PDE3B: variants seen among roughly 807,000 people sequenced by gnomAD.
PDE3B encodes cGMP-inhibited 3',5'-cyclic phosphodiesterase 3B.
A neutral mutation model predicts 116.8 loss-of-function variants in PDE3B; 66 were observed. That is an observed-to-expected ratio of 0.56 (90% CI 0.46 to 0.69). The LOEUF (loss-of-function observed/expected upper bound fraction) is 0.69, where lower values mean the gene tolerates loss of function less well. Among genes scored for constraint, PDE3B ranks in the 30% least tolerant of loss-of-function variants. The probability of loss-of-function intolerance (pLI) is 0.00; values close to 1 mark genes in which losing one functional copy is unlikely to be tolerated. For synonymous variants in PDE3B, 595 were observed against 533.6 expected (o/e 1.12, Z -1.59); for missense variants, 1,384 against 1,368.1 (o/e 1.01, Z -0.18).
intron 5 of PDE3B, among the ~76,000 whole-genome samples, chr11:14,812,749 C>G (rs943482598): frequency 5.3e-5 from 8 of 152,106 alleles, no homozygotes; most frequent in Non-Finnish European, 1.0e-4. Flanking sequence ...CTATATTTAA[C>G]GAAAATGTTG....
intron 1 of PDE3B, among the ~76,000 whole-genome samples, chr11:14,706,660 G>A (rs937299107): frequency 6.6e-6 from 1 of 151,810 alleles, no homozygotes; most frequent in Admixed American, 6.6e-5. Flanking sequence ...ACGGTGATAT[G>A]CCACTTTCAA....
chr11:14,845,990 G>A (rs925170639), intron 12 of PDE3B, among the ~76,000 whole-genome samples: 9 of 152,028 alleles, frequency 5.9e-5, no homozygotes, highest in Admixed American at 2.6e-4. Context: ...TACAGAGAAC[G>A]CCACAAAGAT....
At chr11:14,648,433 T>C (rs574596182) in intron 1 of PDE3B, among the ~76,000 whole-genome samples, 1 of 152,246 alleles carries the variant, frequency 6.6e-6, no homozygotes, top group Non-Finnish European at 1.5e-5. Flanking sequence ...ACCTAAGGAA[T>C]TTGCAAGGCA....
Position 14,833,013 on chromosome 11 carries a change from C to T in PDE3B, c.2206+180C>T, listed in dbSNP as rs184853859. On this transcript the variant is annotated intron_variant, in intron 10 of 15. Transcript: ENST00000282096. ...TCGTCCAGGCTGGAGTGCAATGGCGCGATCTTGGCCCACTGCAACCTCCGC... is the reference window on the plus strand; with the variant it reads ...TCGTCCAGGCTGGAGTGCAATGGCGTGATCTTGGCCCACTGCAACCTCCGC... Among the ~76,000 whole-genome samples the T allele has an allele frequency of 2.6e-5, 4 of 151,680 alleles. No individual in the cohort carries two copies. The East Asian group carries it at 7.8e-4, about 29-fold the overall frequency.
At chr11:14,704,512 T>A (rs1480181696) in intron 1 of PDE3B, among the ~76,000 whole-genome samples, 2 of 151,906 alleles carry the variant, frequency 1.3e-5, no homozygotes, top group East Asian at 3.9e-4. Context: ...AAGTACATCA[T>A]TGGATTTATA....
chr11:14,731,634 A>G (rs896503902), intron 1 of PDE3B, among the ~76,000 whole-genome samples: 11 of 152,292 alleles, frequency 7.2e-5, no homozygotes, highest in Middle Eastern at 3.4e-3. Context: ...GAAATTAGGA[A>G]TATAGATTAA....
chr11:14,807,872 C>A (rs1046947651), intron 5 of PDE3B, among the ~76,000 whole-genome samples: 4 of 151,886 alleles, frequency 2.6e-5, no homozygotes. Context: ...CATGGTGAAA[C>A]CCCATCTCTA....
At chr11:14,706,680 AAAG>A (rs1855544257) in intron 1 of PDE3B, among the ~76,000 whole-genome samples, 1 of 151,978 alleles carries the variant, frequency 6.6e-6, no homozygotes, top group African/African-American at 2.4e-5. Flanking sequence ...AAGAAACAAA[AAAG>A]ATGTGCATTA....
intron 1 of PDE3B, chr11:14,673,841 C>G (rs556458705): frequency 8.3e-7 from 1 of 1,208,520 alleles, no homozygotes; most frequent in South Asian, 1.2e-5. Flanking sequence ...ACTGTGGTCT[C>G]TCAAATTTGT....
intron 1 of PDE3B, among the ~76,000 whole-genome samples, chr11:14,702,176 T>G (rs1274048517): frequency 6.6e-6 from 1 of 151,786 alleles, no homozygotes; most frequent in African/African-American, 2.4e-5. Context: ...GTCTACTGAA[T>G]TATAAAAATT....
At chr11:14,686,123 C>T (rs905642431) in intron 1 of PDE3B, among the ~76,000 whole-genome samples, 2 of 152,226 alleles carry the variant, frequency 1.3e-5, no homozygotes, top group Non-Finnish European at 2.9e-5. Flanking sequence ...CTAACTTCTT[C>T]AACCAGTCTT....
intron 5 of PDE3B, among the ~76,000 whole-genome samples, chr11:14,809,209 T>C (rs566289860): frequency 1.3e-5 from 2 of 152,224 alleles, no homozygotes; most frequent in Non-Finnish European, 2.9e-5. Flanking sequence ...GAAGTTACCA[T>C]ATGACCCAGA....
intron 5 of PDE3B, among the ~76,000 whole-genome samples, chr11:14,811,328 C>G (rs1025392079): frequency 3.9e-5 from 6 of 152,148 alleles, no homozygotes; most frequent in African/African-American, 1.4e-4. Flanking sequence ...TTTAATCCAT[C>G]TTGAATTGAT....
chr11:14,818,255 G>A lies in PDE3B; in HGVS notation c.1595G>A (p.Arg532Gln), dbSNP rs761085973. The change falls in exon 6 of 16, where the codon CGA (arginine) becomes CAA (glutamine). Residue 532 changes from arginine to glutamine, a missense_variant. Arg to Gln is a conservative substitution (Grantham distance 43). Transcript: ENST00000282096. Reference protein sequence around the residue: ...GPVSTGSLTNRSPIEFPDTAD... With the variant: ...GPVSTGSLTNQSPIEFPDTAD... ...GTGTCTACTGGCTCTCTAACTAATC[G>A]ATCACCCATAGAATTTCCTGATACT... is the stretch of plus-strand genomic sequence containing the variant. The A allele has an allele frequency of 1.8e-5, 29 of 1,613,204 alleles. No individual in the cohort carries two copies. Among genetic ancestry groups the A allele is most frequent in the African/African-American group, 4.0e-5 (3 of 74,792 alleles).
In PDE3B at chr11:14,803,989, T is replaced by C; in HGVS notation, c.1461T>C (p.Thr487=). ...LNGPFNSNLL[T]IPKQRSSSVS... is the part of the protein sequence containing the mutation. ...GGCCTTTTAATTCAAATCTACTGAC[T>C]ATCCCGAAGCAAAGGTCATCTTCTG... is the stretch of plus-strand genomic sequence containing the variant. The change falls in exon 5 of 16, where the codon ACT becomes ACC. Residue 487 remains threonine, a synonymous_variant. Coordinates refer to ENST00000282096, the MANE Select transcript of PDE3B (RefSeq NM_000922.4). 1 of 1,611,816 alleles carries C rather than the reference T, an allele frequency of 6.2e-7. No homozygotes were observed. The highest frequency in any genetic ancestry group is 8.5e-7 in the Non-Finnish European group (1 of 1,177,946).
At chr11:14,761,152 AG>A (rs1465246654) in intron 1 of PDE3B, among the ~76,000 whole-genome samples, 2 of 152,192 alleles carry the variant, frequency 1.3e-5, no homozygotes, top group African/African-American at 4.8e-5. Flanking sequence ...TATAGAAAAA[AG>A]ACCGTTGAAT....
At chr11:14,646,708 C>T (rs1853417648) in intron 1 of PDE3B, among the ~76,000 whole-genome samples, 1 of 152,108 alleles carries the variant, frequency 6.6e-6, no homozygotes, top group Non-Finnish European at 1.5e-5. Context: ...GTAATTCTGT[C>T]TGTCCTCTTG....
intron 1 of PDE3B, among the ~76,000 whole-genome samples, chr11:14,761,578 T>G (rs554522036): frequency 6.6e-5 from 10 of 152,198 alleles, no homozygotes; most frequent in Non-Finnish European, 1.3e-4. Flanking sequence ...GGAAAAGTTA[T>G]TTTGCCTATT....
intron 1 of PDE3B, among the ~76,000 whole-genome samples, chr11:14,682,940 A>AT (rs113529850): frequency 0.034 from 4,814 of 141,040 alleles, 209 homozygotes; most frequent in African/African-American, 0.1. Flanking sequence ...CATAGTATTG[A>AT]TTTTTTTTTT....
Sources: gnomAD v4.1 joint callset for allele counts (sites outside exome capture counted in the v4.1 genomes callset) on GRCh38, gnomAD v4.1.1 for gene constraint, MANE v1.5 for transcripts, NCBI Gene and HGNC (gene_info 2026-07-23, HGNC 2026-07-21) for gene names.